Variants in BCL9 observed in about 807,000 individuals in gnomAD.
The protein encoded by BCL9 is B-cell CLL/lymphoma 9 protein.
In BCL9, 25 loss-of-function variants were observed where a neutral mutation model predicts 88.5. That is an observed-to-expected ratio of 0.28 (90% CI 0.21 to 0.39). The LOEUF is 0.39. Ranked by LOEUF, BCL9 falls within the 10% of genes least tolerant of loss-of-function variation. The probability of loss-of-function intolerance (pLI) is 1.00; values close to 1 mark genes in which losing one functional copy is unlikely to be tolerated. For missense variants in BCL9, 1,817 were observed against 1,877.8 expected, an observed-to-expected ratio of 0.97 and a Z score of 0.60; for synonymous variants, 711 against 673.3, an observed-to-expected ratio of 1.06 and a Z score of -0.87.
In BCL9 at chr1:147,625,226, T is replaced by G; in HGVS notation, c.*267T>G. 1 of 417,144 alleles carries G rather than the reference T, an allele frequency of 2.4e-6. No homozygotes were observed. Among genetic ancestry groups the G allele is most frequent in the South Asian group, 4.1e-5 (1 of 24,278 alleles). The allele number at this position is 417,144 out of a possible 1,614,324, so 25.8% of individuals were successfully genotyped here. ...TGGGTATCAATGATGGCACCTACTT[T>G]TGGGAATCTGTAGCTGTGCTTTGAG... On this transcript the variant is annotated 3_prime_UTR_variant, in exon 10 of 10. Transcript: ENST00000234739.
In BCL9 at chr1:147,614,495, A is replaced by T. The variant is rs587660666; in HGVS notation, c.439A>T (p.Asn147Tyr). ...QHTPHSMTPS[N>Y]ATAPRSSTPS... Reference sequence around the variant, plus strand: ...CACACCACACTCGATGACCCCATCAAATGCTACAGCCCCCAGGTCTTCTAC... The same window carrying T: ...CACACCACACTCGATGACCCCATCATATGCTACAGCCCCCAGGTCTTCTAC... Residue 147 changes from asparagine to tyrosine, a missense_variant, in exon 6 of 10, where the codon AAT (asparagine) becomes TAT (tyrosine). Transcript: ENST00000234739. The T allele has an allele frequency of 1.9e-6, 3 of 1,614,114 alleles. No individual in the cohort carries two copies. The East Asian group carries it at 6.7e-5, about 36-fold the overall frequency.
intron 1 of BCL9, among the ~76,000 whole-genome samples, chr1:147,576,459 G>A (rs114676148): frequency 0.015 from 2,309 of 152,286 alleles, 30 homozygotes; most frequent in South Asian, 0.03. Flanking sequence ...TTTAAGCAAA[G>A]ATAAAAAGTT....
chr1:147,612,457 T>TGA (rs1658057878), intron 4 of BCL9, among the ~76,000 whole-genome samples: 1 of 152,172 alleles, frequency 6.6e-6, no homozygotes, highest in Non-Finnish European at 1.5e-5. Flanking sequence ...TGGGACCAGC[T>TGA]TGCATTTTCC....
At chr1:147,602,779 G>A (rs1392184021) in intron 1 of BCL9, among the ~76,000 whole-genome samples, 2 of 152,090 alleles carry the variant, frequency 1.3e-5, no homozygotes, top group Non-Finnish European at 2.9e-5. Context: ...GTCTGCTCCT[G>A]TGAATAAAAG....
At chr1:147,565,703 T>C (rs587735722) in intron 1 of BCL9, among the ~76,000 whole-genome samples, 1 of 152,310 alleles carries the variant, frequency 6.6e-6, no homozygotes, top group Admixed American at 6.5e-5. Flanking sequence ...AAATATTGGA[T>C]CTTTAAGCAA....
At chr1:147,571,711 C>T (rs1655896042) in intron 1 of BCL9, among the ~76,000 whole-genome samples, 1 of 152,118 alleles carries the variant, frequency 6.6e-6, no homozygotes, top group Non-Finnish European at 1.5e-5. Context: ...GTAGGCAGCC[C>T]TCCAGACACA....
chr1:147,583,255 C>T (rs767766709), intron 1 of BCL9, among the ~76,000 whole-genome samples: 2 of 151,548 alleles, frequency 1.3e-5, no homozygotes, highest in Non-Finnish European at 2.9e-5. Context: ...AGACTGTTTG[C>T]CTTTTATTTA....
Position 147,542,142 on chromosome 1 carries a change from G to T in BCL9, c.-478+468G>T, listed in dbSNP as rs149091562. 4.0e-3 allele frequency among the ~76,000 whole-genome samples: 604 copies of T among 152,322 alleles called. 3 individuals carry two copies. The highest frequency in any genetic ancestry group is 0.014 in the African/African-American group (566 of 41,560). On this transcript the variant is annotated intron_variant, in intron 1 of 9. Transcript: ENST00000234739. The stretch of plus-strand genomic sequence containing the variant: ...ATTGCATCGAGCTTTGTGTGTGCCA[G>T]TGTGCCCGTGGGTCTGTGTGTGCGT...
In BCL9 at chr1:147,618,959, C is replaced by T. The variant is rs782709525; in HGVS notation, c.804C>T (p.Ala268=). 105 of 1,613,728 alleles carry T rather than the reference C, an allele frequency of 6.5e-5. No individual in the cohort carries two copies. The highest frequency in any genetic ancestry group is 1.2e-4 in the African/African-American group (9 of 74,902). Residue 268 remains alanine (A), a synonymous_variant, in exon 8 of 10, where the codon GCC becomes GCT. Coordinates refer to ENST00000234739, the MANE Select transcript of BCL9 (RefSeq NM_004326.4). ...PPIPAPAPKP[A]APPRPLDRES... The stretch of plus-strand genomic sequence containing the variant: ...TTCCGGCACCAGCACCCAAGCCTGC[C>T]GCACCCCCACGTCCCCTGGACCGGG...
At chr1:147,556,555 G>C (rs1570815323) in intron 1 of BCL9, among the ~76,000 whole-genome samples, 1 of 152,104 alleles carries the variant, frequency 6.6e-6, no homozygotes, top group South Asian at 2.1e-4. Flanking sequence ...GGCTTAAACA[G>C]TTCTCCCACC....
chr1:147,605,833 TGGTC>T (rs781928474), intron 2 of BCL9, among the ~76,000 whole-genome samples: 1 of 152,190 alleles, frequency 6.6e-6, no homozygotes, highest in Non-Finnish European at 1.5e-5. Context: ...TATGGAGTAG[TGGTC>T]ATAGCATAGA....
intron 7 of BCL9, 131 bp from the exon 8 acceptor site, chr1:147,618,685 G>C (rs782600429): frequency 3.3e-6 from 3 of 905,234 alleles, no homozygotes; most frequent in Non-Finnish European, 4.6e-6. Flanking sequence ...GGTTGTACGT[G>C]AGCAATTTCT....
chr1:147,621,591 T>C (rs1447089959), intron 8 of BCL9, among the ~76,000 whole-genome samples: 1 of 152,182 alleles, frequency 6.6e-6, no homozygotes, highest in African/African-American at 2.4e-5. Flanking sequence ...TGGGAGAGAT[T>C]CTTGCTGATG....
intron 1 of BCL9, among the ~76,000 whole-genome samples, chr1:147,549,553 C>T (rs1032495563): frequency 6.6e-6 from 1 of 152,142 alleles, no homozygotes; most frequent in Admixed American, 6.5e-5. Flanking sequence ...GCCTGACTTC[C>T]AGGAATCTGC....
At chr1:147,571,083 C>G (rs1553197369) in intron 1 of BCL9, among the ~76,000 whole-genome samples, 1 of 152,102 alleles carries the variant, frequency 6.6e-6, no homozygotes, top group Non-Finnish European at 1.5e-5. Context: ...CATAGTAGGT[C>G]ACACACGTTC....
At chr1:147,607,192 T>C (rs587741558) in intron 3 of BCL9, among the ~76,000 whole-genome samples, 328 of 152,354 alleles carry the variant, frequency 2.2e-3, no homozygotes, top group African/African-American at 7.6e-3. Flanking sequence ...CCGAATAGTA[T>C]TGCATTGTGC....
rs1658256702 is a variant in BCL9 at position 147,615,872 on chromosome 1, C to T, written c.630C>T (p.Asn210=). 2 of 1,613,942 alleles carry T rather than the reference C, an allele frequency of 1.2e-6. No individual in the cohort carries two copies. Among genetic ancestry groups the T allele is most frequent in the East Asian group, 2.2e-5 (1 of 44,888 alleles). Residue 210 remains asparagine, a synonymous_variant, in exon 7 of 10, where the codon AAC becomes AAT. Coordinates refer to ENST00000234739, the MANE Select transcript of BCL9 (RefSeq NM_004326.4). ...IVSFHIQNIS[N]NKTERSTAPL... is the part of the protein sequence containing the mutation. ...CTTTCCACATCCAGAACATTTCTAA[C>T]AACAAGACAGAGAGAAGCACAGCGC... is the stretch of plus-strand genomic sequence containing the variant.
chr1:147,577,030 C>T (rs982158028), intron 1 of BCL9, among the ~76,000 whole-genome samples: 1 of 152,122 alleles, frequency 6.6e-6, no homozygotes. Flanking sequence ...ATTCACAAAG[C>T]TTCCTGCAGT....
intron 1 of BCL9, among the ~76,000 whole-genome samples, chr1:147,599,234 G>A (rs782278937): frequency 6.6e-6 from 1 of 152,226 alleles, no homozygotes; most frequent in Non-Finnish European, 1.5e-5. Context: ...CGCAGTCCTG[G>A]GTGGGGGCTG....
Sources: allele counts gnomAD v4.1 joint callset (sites outside exome capture counted in the v4.1 genomes callset), GRCh38; gene constraint gnomAD v4.1.1; transcripts MANE v1.5; gene names NCBI Gene and HGNC (gene_info 2026-07-23, HGNC 2026-07-21).